Variants in RANBP17 observed in about 807,000 individuals in gnomAD.
The protein encoded by RANBP17 is ran-binding protein 17.
A neutral mutation model predicts 141.2 loss-of-function variants in RANBP17; 158 were observed. The observed-to-expected ratio is 1.12, with a 90% CI of 0.98 to 1.28. The LOEUF is 1.28. Ranked by LOEUF, RANBP17 falls within the 50% of genes most tolerant of loss-of-function variation. The pLI is 0.00. For missense variants in RANBP17, 1,438 were observed against 1,290.7 expected, an observed-to-expected ratio of 1.11 and a Z score of -1.75; for synonymous variants, 430 against 450.0, an observed-to-expected ratio of 0.96 and a Z score of 0.56.
At chr5:170,952,331 C>T (rs1309065754) in intron 12 of RANBP17, among the ~76,000 whole-genome samples, 2 of 151,980 alleles carry the variant, frequency 1.3e-5, no homozygotes, top group Admixed American at 1.3e-4. Flanking sequence ...TACTCTCCTA[C>T]TTAATCTATT....
At chr5:171,065,599 C>A (rs1784265777) in intron 14 of RANBP17, among the ~76,000 whole-genome samples, 1 of 152,108 alleles carries the variant, frequency 6.6e-6, no homozygotes, top group Non-Finnish European at 1.5e-5. Flanking sequence ...CCGCCCTACA[C>A]TGTGTATTAA....
chr5:171,235,716 C>T (rs1481929324), intron 22 of RANBP17, among the ~76,000 whole-genome samples: 1 of 152,056 alleles, frequency 6.6e-6, no homozygotes, highest in African/African-American at 2.4e-5. Flanking sequence ...ATCCTCCCAC[C>T]TCGGCCTCCC....
chr5:171,178,664 A>G (rs1458225980), intron 16 of RANBP17, among the ~76,000 whole-genome samples: 1 of 152,160 alleles, frequency 6.6e-6, no homozygotes, highest in African/African-American at 2.4e-5. Flanking sequence ...CTATTTCTCC[A>G]CAGCCTTGCC....
At chr5:170,888,431 A>G (rs1769333558) in intron 3 of RANBP17, among the ~76,000 whole-genome samples, 1 of 152,082 alleles carries the variant, frequency 6.6e-6, no homozygotes, top group South Asian at 2.1e-4. Context: ...TTGTACCTAC[A>G]TATTTTGTTA....
intron 14 of RANBP17, among the ~76,000 whole-genome samples, chr5:171,089,644 T>C (rs1489112316): frequency 5.3e-5 from 8 of 151,898 alleles, no homozygotes; most frequent in African/African-American, 9.7e-5. Context: ...GAGCCAGGTG[T>C]GGGATATAAT....
chr5:171,041,956 A>C (rs1407421405), intron 14 of RANBP17, among the ~76,000 whole-genome samples: 3 of 151,904 alleles, frequency 2.0e-5, no homozygotes, highest in African/African-American at 4.8e-5. Context: ...ATGTGTTCTC[A>C]TTATTCTGCT....
Position 171,120,024 on chromosome 5 carries a change from C to T in RANBP17, c.1711-50106C>T, listed in dbSNP as rs193109424. Among the ~76,000 whole-genome samples the T allele has an allele frequency of 4.9e-3, 578 of 118,126 alleles. 13 individuals carry two copies. The Admixed American group carries it at 0.053, about 11-fold the overall frequency. The allele number at this position is 118,126 out of a possible 152,430, so 77.5% of individuals were successfully genotyped here. On this transcript the variant is annotated intron_variant, in intron 14 of 27. Transcript: ENST00000523189. ...TGCACTCTGGCCTGGGCAACAAGAGCGAAACTTAGTCTCAAAAAAAAAAAA... is the reference window on the plus strand; with the variant it reads ...TGCACTCTGGCCTGGGCAACAAGAGTGAAACTTAGTCTCAAAAAAAAAAAA...
intron 27 of RANBP17, among the ~76,000 whole-genome samples, chr5:171,297,617 C>T (rs1373962171): frequency 1.3e-5 from 2 of 150,928 alleles, no homozygotes; most frequent in Non-Finnish European, 2.9e-5. Context: ...CAGAAGCCAG[C>T]AGATGAGAGT....
intron 14 of RANBP17, among the ~76,000 whole-genome samples, chr5:171,104,900 AT>A (rs1465663438): frequency 1.3e-5 from 2 of 152,222 alleles, no homozygotes; most frequent in Admixed American, 6.5e-5. Context: ...AACTTTGAAT[AT>A]AGTGATTTAA....
intron 25 of RANBP17, among the ~76,000 whole-genome samples, chr5:171,271,937 C>T (rs1418082062): frequency 2.0e-5 from 3 of 152,128 alleles, no homozygotes; most frequent in Non-Finnish European, 2.9e-5. Flanking sequence ...CACATGGAAT[C>T]AACCTAAATG....
At chr5:171,088,818 T>A (rs1785929056) in intron 14 of RANBP17, among the ~76,000 whole-genome samples, 1 of 152,184 alleles carries the variant, frequency 6.6e-6, no homozygotes, top group Admixed American at 6.5e-5. Flanking sequence ...CTCCATCAGC[T>A]CCTTTAAGTA....
chr5:171,072,851 C>A (rs1015221988), intron 14 of RANBP17, among the ~76,000 whole-genome samples: 2 of 152,138 alleles, frequency 1.3e-5, no homozygotes, highest in African/African-American at 4.8e-5. Flanking sequence ...AGATGTCTTT[C>A]AGTAAGTGGT....
At chr5:170,905,943 T>G (rs911654276) in intron 5 of RANBP17, among the ~76,000 whole-genome samples, 9 of 152,058 alleles carry the variant, frequency 5.9e-5, no homozygotes, top group Non-Finnish European at 7.4e-5. Flanking sequence ...AATGTGCAGT[T>G]TAGAGAGCAA....
intron 14 of RANBP17, among the ~76,000 whole-genome samples, chr5:171,119,925 G>C (rs1362093303): frequency 6.6e-6 from 1 of 151,624 alleles, no homozygotes; most frequent in East Asian, 1.9e-4. Flanking sequence ...TGTAATCCCA[G>C]CTACTCGGGA....
intron 20 of RANBP17, among the ~76,000 whole-genome samples, chr5:171,213,056 A>G (rs1234979446): frequency 1.3e-5 from 2 of 152,228 alleles, no homozygotes; most frequent in African/African-American, 4.8e-5. Flanking sequence ...CCAACATCCC[A>G]GATATTCCTT....
intron 14 of RANBP17, among the ~76,000 whole-genome samples, chr5:171,155,482 T>C (rs974661175): frequency 6.6e-6 from 1 of 152,122 alleles, no homozygotes; most frequent in Non-Finnish European, 1.5e-5. Flanking sequence ...TTATGAAATA[T>C]AGCAGAGTTC....
intron 14 of RANBP17, among the ~76,000 whole-genome samples, chr5:171,152,532 C>G (rs1440214555): frequency 6.6e-6 from 1 of 152,088 alleles, no homozygotes; most frequent in Non-Finnish European, 1.5e-5. Context: ...GGGTTCTTCC[C>G]ACTTAGAAAT....
intron 14 of RANBP17, among the ~76,000 whole-genome samples, chr5:171,066,108 C>A (rs922639431): frequency 2.0e-5 from 3 of 152,056 alleles, no homozygotes; most frequent in Admixed American, 1.3e-4. Context: ...GTGATCTGCC[C>A]ACCTCGGCCT....
rs146644917 is a variant in RANBP17 at position 170,958,981 on chromosome 5, T to A, written c.1574+5279T>A. ...TCATTTATGTATGCAGTTGCAATTT[T>A]TAAAATTTTTGCTATCAGACCTTGG... On this transcript the variant is annotated intron_variant, in intron 13 of 27. Coordinates refer to ENST00000523189, the MANE Select transcript of RANBP17 (RefSeq NM_022897.5). Among the ~76,000 whole-genome samples, 620 of 152,346 alleles carry A rather than the reference T, an allele frequency of 4.1e-3. 5 individuals are homozygous for A. Among genetic ancestry groups the A allele is most frequent in the African/African-American group, 0.014 (598 of 41,570 alleles).
Sources: gnomAD v4.1 joint callset for allele counts (sites outside exome capture counted in the v4.1 genomes callset) on GRCh38, gnomAD v4.1.1 for gene constraint, MANE v1.5 for transcripts, NCBI Gene and HGNC (gene_info 2026-07-23, HGNC 2026-07-21) for gene names.